Variants in PHF14 observed in about 807,000 individuals in gnomAD.
PHF14 encodes PHD finger protein 14.
A neutral mutation model predicts 117.9 loss-of-function variants in PHF14; 55 were observed. The observed-to-expected ratio is 0.47, with a 90% CI of 0.38 to 0.58. The LOEUF (loss-of-function observed/expected upper bound fraction) is 0.58. PHF14 is among the 20% of genes least tolerant of loss of function. The pLI is 0.00. For synonymous variants in PHF14, 409 were observed against 368.6 expected, an observed-to-expected ratio of 1.11 and a Z score of -1.26; for missense variants, 978 against 1,122.2, an observed-to-expected ratio of 0.87 and a Z score of 1.84.
chr7:11,078,814 C>T (rs1464202707), intron 16 of PHF14, among the ~76,000 whole-genome samples: 1 of 152,016 alleles, frequency 6.6e-6, no homozygotes, highest in Non-Finnish European at 1.5e-5. Flanking sequence ...TTGTAAGAAA[C>T]ATTTTGTAGT....
chr7:11,085,492 A>G (rs2906562), intron 16 of PHF14, among the ~76,000 whole-genome samples: 77,432 of 151,606 alleles, frequency 0.51, 20,546 homozygotes, highest in East Asian at 0.85. Context: ...GGCAAAAATT[A>G]TTGTTTCTAT....
intron 16 of PHF14, among the ~76,000 whole-genome samples, chr7:11,090,439 A>G (rs1334011996): frequency 1.3e-5 from 2 of 152,196 alleles, no homozygotes; most frequent in Admixed American, 1.3e-4. Context: ...TTCCAGACCC[A>G]TATTTTCCTT....
chr7:11,092,946 G>A lies in PHF14; in HGVS notation c.2655-18404G>A, dbSNP rs138623218. ...AGTGACCCTTGAATCAGATTGGCAT[G>A]GCAACGTTCTAGATTGCTCTGAAAT... On this transcript the variant is annotated intron_variant, in intron 16 of 17. Transcript: ENST00000634607. Among the ~76,000 whole-genome samples the A allele has an allele frequency of 1.8e-4, 27 of 152,268 alleles. No homozygotes were observed. In the East Asian group the frequency reaches 5.0e-3, roughly 28 times the overall value.
At chr7:11,148,974 GTTTA>G (rs988359369) in intron 17 of PHF14, among the ~76,000 whole-genome samples, 3 of 150,646 alleles carry the variant, frequency 2.0e-5, no homozygotes, top group Non-Finnish European at 4.4e-5. Context: ...AATCATTTTT[GTTTA>G]TTTAAACCCA....
intron 16 of PHF14, among the ~76,000 whole-genome samples, chr7:11,070,604 T>C (rs1785583854): frequency 2.0e-5 from 3 of 152,240 alleles, no homozygotes; most frequent in South Asian, 2.1e-4. Context: ...TCCTAACTTA[T>C]GTGGCCCCAT....
At chr7:11,074,133 T>C (rs1701764372) in intron 16 of PHF14, among the ~76,000 whole-genome samples, 1 of 152,234 alleles carries the variant, frequency 6.6e-6, no homozygotes, top group African/African-American at 2.4e-5. Context: ...TTTTTAGTCA[T>C]GCTAATCACT....
chr7:11,059,647 A>G (rs1464357910), intron 14 of PHF14, among the ~76,000 whole-genome samples: 1 of 151,928 alleles, frequency 6.6e-6, no homozygotes, highest in East Asian at 1.9e-4. Flanking sequence ...GGTGGTGCAC[A>G]CCTGTAAACC....
At chr7:11,043,038 T>G (rs1226553259) in intron 13 of PHF14, among the ~76,000 whole-genome samples, 1 of 151,972 alleles carries the variant, frequency 6.6e-6, no homozygotes, top group African/African-American at 2.4e-5. Context: ...GATTCTTCTT[T>G]AAGGCATGAA....
At chr7:10,983,626 T>G (rs1057315391) in intron 3 of PHF14, among the ~76,000 whole-genome samples, 9 of 152,144 alleles carry the variant, frequency 5.9e-5, no homozygotes, top group African/African-American at 2.2e-4. Flanking sequence ...CCTTTAGAGA[T>G]TCGTTTTAAA....
At chr7:11,021,489 ATATACT>A (rs997591242) in intron 5 of PHF14, among the ~76,000 whole-genome samples, 1 of 152,168 alleles carries the variant, frequency 6.6e-6, no homozygotes, top group Non-Finnish European at 1.5e-5. Context: ...TGGGAGAATG[ATATACT>A]TGTATGCCAG....
In PHF14 at chr7:11,028,838, T is replaced by C; in HGVS notation, c.1455+20T>C. ...GAAGAGGTAGGTTTATTTAAACCCA[T>C]AGTTGGTGAACATGTTCACAAGATA... On this transcript the variant is annotated intron_variant, in intron 7 of 17. Transcript: ENST00000634607. 1 of 1,607,580 alleles carries C rather than the reference T, an allele frequency of 6.2e-7. No homozygotes were observed. Among genetic ancestry groups the C allele is most frequent in the Non-Finnish European group, 8.5e-7 (1 of 1,174,706 alleles).
chr7:11,109,318 T>C (rs1787366790), intron 16 of PHF14: 1 of 151,850 alleles, frequency 6.6e-6, no homozygotes. Flanking sequence ...AGCTGACTCC[T>C]GGTCCTCATT....
chr7:11,007,346 G>C (rs1783158198), intron 4 of PHF14, among the ~76,000 whole-genome samples: 1 of 151,744 alleles, frequency 6.6e-6, no homozygotes. Flanking sequence ...TTTCCATCCT[G>C]TTCTGTATCC....
chr7:10,985,918 G>T (rs1782209260), intron 3 of PHF14, among the ~76,000 whole-genome samples: 3 of 151,944 alleles, frequency 2.0e-5, no homozygotes, highest in Non-Finnish European at 4.4e-5. Flanking sequence ...CTCCCAAAGT[G>T]CTGGGATTAC....
chr7:11,110,543 G>A (rs1291257709), intron 16 of PHF14: 4 of 979,102 alleles, frequency 4.1e-6, no homozygotes, highest in Non-Finnish European at 4.9e-6. Flanking sequence ...TGTCTGAAAC[G>A]AAGAATAGGT....
chr7:11,068,826 A>T (rs1322519388), intron 16 of PHF14, among the ~76,000 whole-genome samples: 2 of 152,128 alleles, frequency 1.3e-5, no homozygotes, highest in African/African-American at 4.8e-5. Context: ...CATTTTAACC[A>T]TGTTGCATCT....
intron 3 of PHF14, among the ~76,000 whole-genome samples, chr7:10,986,147 G>T (rs185266676): frequency 1.8e-4 from 27 of 147,940 alleles, no homozygotes; most frequent in Admixed American, 4.1e-4. Context: ...TTTTATTTTT[G>T]ATTTTTTTTT....
intron 16 of PHF14, among the ~76,000 whole-genome samples, chr7:11,095,166 G>C (rs2128339734): frequency 6.6e-6 from 1 of 152,254 alleles, no homozygotes; most frequent in Admixed American, 6.5e-5. Context: ...AGGTAAGTAA[G>C]CACTTACCAC....
chr7:11,069,867 T>C (rs546551727), intron 16 of PHF14, among the ~76,000 whole-genome samples: 1 of 150,664 alleles, frequency 6.6e-6, no homozygotes, highest in African/African-American at 2.4e-5. Flanking sequence ...TTTATTTTTT[T>C]CTGGTAGAAG....
Sources: allele counts gnomAD v4.1 joint callset (sites outside exome capture counted in the v4.1 genomes callset), GRCh38; gene constraint gnomAD v4.1.1; transcripts MANE v1.5; gene names NCBI Gene and HGNC (gene_info 2026-07-23, HGNC 2026-07-21).